SCAPER: variants seen among roughly 807,000 people sequenced by gnomAD.
SCAPER encodes S-phase cyclin A associated protein in the ER, also known as S phase cyclin A-associated protein in the endoplasmic reticulum.
Under a neutral mutation model 182.2 loss-of-function variants are expected in SCAPER, and 98 were observed. The ratio of observed to expected loss-of-function variants is 0.54; its 90% CI spans 0.46 to 0.64. The LOEUF is 0.64. Ranked by LOEUF, SCAPER falls within the 30% of genes least tolerant of loss-of-function variation. SCAPER has a pLI of 0.00. For missense variants in SCAPER, 1,432 were observed against 1,690.0 expected, an observed-to-expected ratio of 0.85 and a Z score of 2.68; for synonymous variants, 605 against 564.6, an observed-to-expected ratio of 1.07 and a Z score of -1.01.
At chr15:76,674,121 G>A (rs1407561316) in intron 20 of SCAPER, among the ~76,000 whole-genome samples, 1 of 151,840 alleles carries the variant, frequency 6.6e-6, no homozygotes, top group East Asian at 1.9e-4. Context: ...AGTAGATGAG[G>A]GAACCATTTC....
Position 76,723,272 on chromosome 15 carries a change from G to T in SCAPER, c.2165+5323C>A, listed in dbSNP as rs183050048. Among the ~76,000 whole-genome samples the T allele has an allele frequency of 6.0e-4, 91 of 152,282 alleles. 1 individual carries two copies. In the East Asian group the frequency reaches 0.015, roughly 25 times the overall value. ...GTTTCTTAATCCTGAGTTCTAGTTT[G>T]ATTGCACTGTGGTCTGAGAGACAGT... is the stretch of plus-strand genomic sequence containing the variant. On this transcript the variant is annotated intron_variant, in intron 17 of 31. Transcript: ENST00000563290.
intron 23 of SCAPER, among the ~76,000 whole-genome samples, chr15:76,532,013 CA>C (rs2043717879): frequency 6.6e-6 from 1 of 152,210 alleles, no homozygotes; most frequent in Admixed American, 6.5e-5. Context: ...GCTCTCATCT[CA>C]ACTTTTTTTA....
At chr15:76,637,775 T>A (rs2053758385) in intron 21 of SCAPER, among the ~76,000 whole-genome samples, 1 of 145,942 alleles carries the variant, frequency 6.9e-6, no homozygotes. Context: ...TGTGTGTGTG[T>A]GTGTGTGTGT....
At chr15:76,572,844 C>T (rs2047524174) in intron 23 of SCAPER, among the ~76,000 whole-genome samples, 1 of 151,034 alleles carries the variant, frequency 6.6e-6, no homozygotes, top group Admixed American at 6.6e-5. Context: ...TGTTTATTTA[C>T]TTTGATACAA....
chr15:76,646,400 CT>C (rs1199249554), intron 21 of SCAPER, among the ~76,000 whole-genome samples: 1 of 152,156 alleles, frequency 6.6e-6, no homozygotes, highest in East Asian at 1.9e-4. Context: ...GATGTCCAAG[CT>C]GCTAATACTG....
intron 15 of SCAPER, among the ~76,000 whole-genome samples, chr15:76,734,618 C>T (rs548712125): frequency 1.3e-5 from 2 of 152,076 alleles, no homozygotes; most frequent in Non-Finnish European, 2.9e-5. Flanking sequence ...GTGGCTACGC[C>T]TGTAATGCCA....
chr15:76,853,785 C>CAG (rs2071034191), intron 4 of SCAPER, among the ~76,000 whole-genome samples: 1 of 152,172 alleles, frequency 6.6e-6, no homozygotes, highest in Non-Finnish European at 1.5e-5. Flanking sequence ...CTCGCCACTC[C>CAG]TATTCAATAC....
chr15:76,415,878 T>C (rs921477776), intron 26 of SCAPER, among the ~76,000 whole-genome samples: 3 of 152,124 alleles, frequency 2.0e-5, no homozygotes, highest in Non-Finnish European at 4.4e-5. Flanking sequence ...ATATGGAAAA[T>C]CTTATCAGTT....
At chr15:76,592,040 AC>A (rs2049154259) in intron 22 of SCAPER, among the ~76,000 whole-genome samples, 1 of 152,204 alleles carries the variant, frequency 6.6e-6, no homozygotes, top group African/African-American at 2.4e-5. Context: ...ACCCTCGGCA[AC>A]AGAGTGAGAT....
intron 23 of SCAPER, among the ~76,000 whole-genome samples, chr15:76,542,662 G>C (rs954741384): frequency 2.0e-5 from 3 of 152,002 alleles, no homozygotes; most frequent in Non-Finnish European, 4.4e-5. Context: ...TGTAGGTACA[G>C]CTTAGCTTAT....
intron 25 of SCAPER, among the ~76,000 whole-genome samples, chr15:76,455,498 G>T (rs2048662238): frequency 6.6e-6 from 1 of 151,880 alleles, no homozygotes; most frequent in South Asian, 2.1e-4. Context: ...GCTGGGTCTC[G>T]CTATGTTGCC....
At chr15:76,796,269 TTAA>T (rs939527343) in intron 7 of SCAPER, among the ~76,000 whole-genome samples, 5 of 152,154 alleles carry the variant, frequency 3.3e-5, no homozygotes, top group Non-Finnish European at 1.5e-5. Flanking sequence ...CTCCTTAACC[TTAA>T]TAATATTTTC....
intron 23 of SCAPER, among the ~76,000 whole-genome samples, chr15:76,568,744 A>T (rs2047222692): frequency 6.6e-6 from 1 of 152,156 alleles, no homozygotes; most frequent in Non-Finnish European, 1.5e-5. Flanking sequence ...GTGTTTTAGA[A>T]TTTCCAAAGA....
chr15:76,534,526 C>T (rs987963052), intron 23 of SCAPER, among the ~76,000 whole-genome samples: 10 of 152,082 alleles, frequency 6.6e-5, no homozygotes, highest in Admixed American at 5.9e-4. Flanking sequence ...AATTAGAGCA[C>T]AAATAGAAAT....
intron 5 of SCAPER, among the ~76,000 whole-genome samples, chr15:76,817,057 C>G (rs188149073): frequency 1.3e-5 from 2 of 152,304 alleles, no homozygotes; most frequent in East Asian, 3.9e-4. Context: ...TTGTTTCTAT[C>G]AGCATCATCA....
chr15:76,887,292 T>C (rs923358373), intron 1 of SCAPER, among the ~76,000 whole-genome samples: 3 of 152,160 alleles, frequency 2.0e-5, no homozygotes, highest in African/African-American at 7.2e-5. Context: ...CTTAATCTCA[T>C]TGGGACTGGT....
intron 16 of SCAPER, 140 bp from the exon 17 acceptor site, chr15:76,728,877 AGT>A: frequency 1.2e-6 from 1 of 845,202 alleles, no homozygotes; most frequent in Non-Finnish European, 1.8e-6. Context: ...TGCTTCTTAA[AGT>A]TTAAACAAAA....
chr15:76,407,920 A>T (rs1315160336), intron 26 of SCAPER, among the ~76,000 whole-genome samples: 1 of 152,158 alleles, frequency 6.6e-6, no homozygotes, highest in Non-Finnish European at 1.5e-5. Flanking sequence ...AGCAAATCCA[A>T]GGCATATTAT....
chr15:76,523,396 A>G (rs1247436323), intron 23 of SCAPER, among the ~76,000 whole-genome samples: 2 of 152,252 alleles, frequency 1.3e-5, no homozygotes, highest in East Asian at 3.9e-4. Context: ...GTACTGAGCT[A>G]TGGTTCCCAG....
Sources: allele counts gnomAD v4.1 joint callset (sites outside exome capture counted in the v4.1 genomes callset), GRCh38; gene constraint gnomAD v4.1.1; transcripts MANE v1.5; gene names NCBI Gene and HGNC (gene_info 2026-07-23, HGNC 2026-07-21).